Variants in PDE1A observed in about 807,000 individuals in gnomAD.
The protein encoded by PDE1A is dual specificity calcium/calmodulin-dependent 3',5'-cyclic nucleotide phosphodiesterase 1A.
A neutral mutation model predicts 61.7 loss-of-function variants in PDE1A; 35 were observed. That is an observed-to-expected ratio of 0.57 (90% CI 0.43 to 0.75). The LOEUF (loss-of-function observed/expected upper bound fraction) is 0.75, where lower values mean the gene tolerates loss of function less well. PDE1A is among the 30% of genes least tolerant of loss of function. The probability of loss-of-function intolerance (pLI) is 0.00; values close to 1 mark genes in which losing one functional copy is unlikely to be tolerated. For synonymous variants in PDE1A, 232 were observed against 213.2 expected, an observed-to-expected ratio of 1.09 and a Z score of -0.77; for missense variants, 597 against 630.6, an observed-to-expected ratio of 0.95 and a Z score of 0.57.
chr2:182,267,219 C>G (rs1692692844), intron 1 of PDE1A, among the ~76,000 whole-genome samples: 2 of 152,062 alleles, frequency 1.3e-5, no homozygotes, highest in Admixed American at 1.3e-4. Flanking sequence ...GCACAATGAA[C>G]ATGCCCTTTC....
At chr2:182,184,007 G>GAAGAAAGAAAGAAAGAAAGA (rs36010429) in intron 13 of PDE1A, among the ~76,000 whole-genome samples, 10 of 134,714 alleles carry the variant, frequency 7.4e-5, no homozygotes, top group South Asian at 2.5e-4. Context: ...GAAAGGAAGA[G>GAAGAAAGAAAGAAAGAAAGA]AAGAAAGAAA....
intron 2 of PDE1A, among the ~76,000 whole-genome samples, chr2:182,473,434 A>G (rs555308200): frequency 6.6e-6 from 1 of 152,044 alleles, no homozygotes; most frequent in African/African-American, 2.4e-5. Flanking sequence ...ATTTACAAGA[A>G]AAAAACAAAC....
the PDE1A span, among the ~76,000 whole-genome samples, chr2:182,622,489 C>G: frequency 6.6e-6 from 1 of 152,088 alleles, no homozygotes; most frequent in Admixed American, 6.5e-5. Context: ...TCTTAGCAAG[C>G]CAAGTAGTCT....
the PDE1A span, among the ~76,000 whole-genome samples, chr2:182,643,824 C>T: frequency 6.6e-6 from 1 of 152,166 alleles, no homozygotes; most frequent in East Asian, 1.9e-4. Context: ...TGCTTTGGCA[C>T]ATCTAGAAAA....
the PDE1A span, among the ~76,000 whole-genome samples, chr2:182,624,050 G>A: frequency 6.6e-6 from 1 of 151,292 alleles, no homozygotes; most frequent in Non-Finnish European, 1.5e-5. Flanking sequence ...GCGTGAACCC[G>A]GGAGGCAGAG....
At chr2:182,210,891 GTAATTTATCAAAAAAAAAAAAGAAAT>G (rs1240870068) in intron 7 of PDE1A, among the ~76,000 whole-genome samples, 1 of 115,070 alleles carries the variant, frequency 8.7e-6, no homozygotes, top group Non-Finnish European at 1.8e-5. Context: ...CTGAGGCTGG[GTAATTTATCAAAAAAAAAAAAGAAAT>G]TTATTTATCA....
At chr2:182,311,370 T>C (rs1695959466) in intron 1 of PDE1A, among the ~76,000 whole-genome samples, 1 of 152,242 alleles carries the variant, frequency 6.6e-6, no homozygotes, top group Non-Finnish European at 1.5e-5. Context: ...GTATAATTTA[T>C]GTAACAAAAA....
chr2:182,383,367 T>C (rs1700842522), intron 1 of PDE1A, among the ~76,000 whole-genome samples: 1 of 152,242 alleles, frequency 6.6e-6, no homozygotes, highest in Admixed American at 6.5e-5. Context: ...GAGCCATTAG[T>C]TAACTGATCT....
rs201821721 is a variant in PDE1A at position 182,364,466 on chromosome 2, T to TAAAAAAAAAAAAAAAAAAAAAAAAA, written c.53+62087_53+62111dup. On this transcript the variant is annotated intron_variant, in intron 1 of 13. Transcript: ENST00000351439. ...CTCAGACTATATTAGAACACTTTGG[T>TAAAAAAAAAAAAAAAAAAAAAAAAA]AAAAAAAAAAAAAAAAAAAAAAAAA... Among the ~76,000 whole-genome samples the TAAAAAAAAAAAAAAAAAAAAAAAAA allele has an allele frequency of 3.1e-4, 11 of 35,844 alleles. 4 individuals carry two copies. The highest frequency in any genetic ancestry group is 1.1e-3 in the Admixed American group (2 of 1,886). 23.5% of individuals were successfully genotyped at this position (35,844 alleles called of 152,430 possible). A position where few individuals can be genotyped will look rare whatever the true frequency, so the allele number is the denominator to read the frequency against.
the PDE1A span, among the ~76,000 whole-genome samples, chr2:182,693,910 G>T: frequency 6.6e-6 from 1 of 152,130 alleles, no homozygotes; most frequent in African/African-American, 2.4e-5. Flanking sequence ...GGCTCCCAAA[G>T]TTCTGGGATT....
chr2:182,625,078 G>A, the PDE1A span, among the ~76,000 whole-genome samples: 25 of 152,192 alleles, frequency 1.6e-4, no homozygotes, highest in African/African-American at 5.8e-4. Context: ...TGGGATTAGC[G>A]ATGAGATTAG....
chr2:182,343,905 T>C (rs1698356119), intron 1 of PDE1A, among the ~76,000 whole-genome samples: 1 of 150,850 alleles, frequency 6.6e-6, no homozygotes, highest in Non-Finnish European at 1.5e-5. Flanking sequence ...AGAGTCTTAC[T>C]CTCACTCAGG....
At chr2:182,358,167 G>A in intron 1 of PDE1A, among the ~76,000 whole-genome samples, 1 of 152,086 alleles carries the variant, frequency 6.6e-6, no homozygotes, top group East Asian at 1.9e-4. Context: ...ACCTTTTCAT[G>A]TAATCCTGTA....
chr2:182,564,378 T>C, the PDE1A span, among the ~76,000 whole-genome samples: 3 of 152,234 alleles, frequency 2.0e-5, no homozygotes, highest in African/African-American at 4.8e-5. Context: ...TGTTGAATAT[T>C]GGCCCCCACT....
intron 1 of PDE1A, among the ~76,000 whole-genome samples, chr2:182,356,759 T>C (rs145892369): frequency 3.4e-4 from 52 of 152,160 alleles, no homozygotes; most frequent in Non-Finnish European, 5.0e-4. Flanking sequence ...CTATTCACAA[T>C]AGCAAAGACT....
At chr2:182,562,062 TGATTGCCCTGGCCA>T in the PDE1A span, among the ~76,000 whole-genome samples, 1 of 150,406 alleles carries the variant, frequency 6.6e-6, no homozygotes, top group Non-Finnish European at 1.5e-5. Context: ...TTCTCCTGCC[TGATTGCCCTGGCCA>T]GAACTTCCAA....
intron 1 of PDE1A, among the ~76,000 whole-genome samples, chr2:182,382,805 T>C (rs1700809180): frequency 6.6e-6 from 1 of 152,094 alleles, no homozygotes; most frequent in Non-Finnish European, 1.5e-5. Context: ...ACTTTTATAC[T>C]CTCCTATAGG....
chr2:182,715,214 T>G, the PDE1A span, among the ~76,000 whole-genome samples: 1 of 152,158 alleles, frequency 6.6e-6, no homozygotes, highest in African/African-American at 2.4e-5. Flanking sequence ...CTCTCAAATA[T>G]TTGCCTCAGT....
the PDE1A span, among the ~76,000 whole-genome samples, chr2:182,547,833 G>A: frequency 1.3e-5 from 2 of 152,128 alleles, no homozygotes; most frequent in African/African-American, 4.8e-5. Flanking sequence ...GGCATCATGT[G>A]AATTAACTGA....
Sources: allele counts gnomAD v4.1 joint callset (sites outside exome capture counted in the v4.1 genomes callset), GRCh38; gene constraint gnomAD v4.1.1; transcripts MANE v1.5; gene names NCBI Gene and HGNC (gene_info 2026-07-23, HGNC 2026-07-21).